The following NIN variants were observed in gnomAD, a reference collection of about 807,000 sequenced individuals.
The protein encoded by NIN is glycogen synthase kinase 3 beta-interacting protein.
Under a neutral mutation model 257.6 loss-of-function variants are expected in NIN, and 137 were observed. That is an observed-to-expected ratio of 0.53 (90% CI 0.46 to 0.61). The LOEUF (loss-of-function observed/expected upper bound fraction) is 0.61. Ranked by LOEUF, NIN falls within the 20% of genes least tolerant of loss-of-function variation. The probability of loss-of-function intolerance (pLI) is 0.00; values close to 1 mark genes in which losing one functional copy is unlikely to be tolerated. For synonymous variants in NIN, 918 were observed against 919.8 expected (o/e 1.00, Z 0.04); for missense variants, 2,439 against 2,501.2 (o/e 0.98, Z 0.53).
chr14:50,759,695 A>G (rs1301782999), intron 17 of NIN, among the ~76,000 whole-genome samples, 162 bp downstream of exon 17: 1 of 152,068 alleles, frequency 6.6e-6, no homozygotes, highest in Non-Finnish European at 1.5e-5. Flanking sequence ...GGGTTTCACC[A>G]TGTTAGCCAG....
chr14:50,761,817 A>G lies in NIN; in HGVS notation c.1869T>C (p.Cys623=). The G allele has an allele frequency of 3.1e-6, 5 of 1,614,190 alleles. No individual in the cohort carries two copies. Among genetic ancestry groups the G allele is most frequent in the Non-Finnish European group, 4.2e-6 (5 of 1,180,014 alleles). The stretch of plus-strand genomic sequence containing the variant: ...TATCTTCGAGCTCCAGTCTGAGGCA[A>G]CATATGTCCCTGTGATGTTGTTCTT... ...QMKEQHHRDI[C]CLRLELEDKV... Residue 623 remains cysteine, a synonymous_variant, in exon 16 of 31, where the codon TGT becomes TGC. Transcript: ENST00000530997.
At chr14:50,772,869 C>A (rs1414890793) in intron 8 of NIN, 80 bp downstream of exon 8, 12 of 1,222,534 alleles carry the variant, frequency 9.8e-6, no homozygotes, top group Non-Finnish European at 1.4e-5. Context: ...TTGCTTCAGA[C>A]AACAGATTAA....
rs564490007 is a variant in NIN at position 50,822,064 on chromosome 14, C to T, written c.-8G>A. ...CTGCTCCACCTCATCCATCCCATAG[C>T]CCACAGTGCTCACCTGTGTGTAAGA... On this transcript the variant is annotated 5_prime_UTR_variant, in exon 3 of 31. Transcript: ENST00000530997. 2 of 1,610,612 alleles carry T rather than the reference C, an allele frequency of 1.2e-6. No individual in the cohort carries two copies. Among genetic ancestry groups the T allele is most frequent in the African/African-American group, 1.3e-5 (1 of 75,020 alleles).
In NIN at chr14:50,821,924, C is replaced by T. The variant is rs774290897; in HGVS notation, c.133G>A (p.Val45Met). 5.6e-6 allele frequency: 9 copies of T among 1,614,064 alleles called. No individual in the cohort carries two copies. The highest frequency in any genetic ancestry group is 1.7e-5 in the Admixed American group (1 of 59,994). ...DLCHMLSLEE[V>M]APVLQQTLLQ... Reference sequence around the variant, plus strand: ...AATGTCTGCTGCAGCACTGGGGCCACCTCCTCCAAGCTCAACATGTGGCAA... The same window carrying T: ...AATGTCTGCTGCAGCACTGGGGCCATCTCCTCCAAGCTCAACATGTGGCAA... The change falls in exon 3 of 31, where the codon GTG becomes ATG. Residue 45 changes from valine to methionine, a missense_variant. Val to Met is a conservative substitution (Grantham distance 21). Coordinates refer to ENST00000530997, the MANE Select transcript of NIN (RefSeq NM_020921.4).
chr14:50,752,570 C>A lies in NIN; in HGVS notation c.4898G>T (p.Arg1633Leu). The A allele has an allele frequency of 6.2e-7, 1 of 1,614,042 alleles. No individual in the cohort carries two copies. The highest frequency in any genetic ancestry group is 8.5e-7 in the Non-Finnish European group (1 of 1,179,978). Reference sequence around the variant, plus strand: ...TTTCAGATTAAACTTCTCTTGTTCCCGTTCCTCCAATGCACTGTTTCCTGG... The same window carrying A: ...TTTCAGATTAAACTTCTCTTGTTCCAGTTCCTCCAATGCACTGTTTCCTGG... Reference protein sequence around the residue: ...KEPGNSALEEREQEKFNLKEE... With the variant: ...KEPGNSALEELEQEKFNLKEE... The change falls in exon 21 of 31, where the codon CGG (arginine) becomes CTG (leucine). Residue 1633 changes from arginine (R) to leucine (L), a missense_variant. Around this residue, in one of 3 missense-constraint regions of NIN, gnomAD observed 2,043 missense variants for 2,050.2 expected, o/e 1.00. Transcript: ENST00000530997.
chr14:50,722,292 T>A lies in NIN; in HGVS notation c.*1171A>T, dbSNP rs2040287219. 1 of 221,324 alleles carries A rather than the reference T, an allele frequency of 4.5e-6. No individual in the cohort carries two copies. Among genetic ancestry groups the A allele is most frequent in the Non-Finnish European group, 9.0e-6 (1 of 110,676 alleles). 13.7% of individuals were successfully genotyped at this position (221,324 alleles called of 1,614,324 possible). A position where few individuals can be genotyped will look rare whatever the true frequency, so the allele number is the denominator to read the frequency against. On this transcript the variant is annotated 3_prime_UTR_variant, in exon 31 of 31. Transcript: ENST00000530997. The stretch of plus-strand genomic sequence containing the variant: ...GCCAATGATTATCACAGTAAGAAAT[T>A]CTTAGAATCAGATTTGAGGTATAGA...
chr14:50,813,376 T>C (rs976569596), intron 3 of NIN, among the ~76,000 whole-genome samples: 9 of 152,222 alleles, frequency 5.9e-5, no homozygotes, highest in African/African-American at 2.2e-4. Context: ...CTATACCTTG[T>C]ATGCCTCAAC....
At chr14:50,806,636 C>G in intron 4 of NIN, 101 bp downstream of exon 4, 3 of 604,622 alleles carry the variant, frequency 5.0e-6, no homozygotes, top group Non-Finnish European at 8.8e-6. Flanking sequence ...CTGTGAAAGG[C>G]AGATGTCCCC....
intron 21 of NIN, among the ~76,000 whole-genome samples, chr14:50,752,196 G>C (rs2041817992): frequency 6.7e-6 from 1 of 149,354 alleles, no homozygotes; most frequent in Non-Finnish European, 1.5e-5. Context: ...ATCCAATTAA[G>C]TTTATCCTTG....
intron 28 of NIN, among the ~76,000 whole-genome samples, chr14:50,733,630 C>CAGGA (rs375919698): frequency 3.3e-4 from 51 of 152,240 alleles, no homozygotes; most frequent in African/African-American, 9.4e-4. Context: ...CAGGAACAGG[C>CAGGA]AGGAGAAGAA....
intron 5 of NIN, among the ~76,000 whole-genome samples, chr14:50,789,587 A>T (rs1208222782): frequency 6.6e-6 from 1 of 152,154 alleles, no homozygotes; most frequent in East Asian, 1.9e-4. Context: ...ACAAAACAAA[A>T]CAAAACAAAC....
chr14:50,737,095 C>T lies in NIN; in HGVS notation c.5775+1045G>A, dbSNP rs180921731. Among the ~76,000 whole-genome samples, 31 of 152,270 alleles carry T rather than the reference C, an allele frequency of 2.0e-4. No individual in the cohort carries two copies. The East Asian group carries it at 4.6e-3, about 23-fold the overall frequency. On this transcript the variant is annotated intron_variant, in intron 27 of 30. Coordinates refer to ENST00000530997, the MANE Select transcript of NIN (RefSeq NM_020921.4). ...CCCACACTATACTAGGGTTAGTCTG[C>T]GTGACAAATACAGTGCAGCAGAAAT...
At position 50,758,058 on chromosome 14, in the gene NIN, T is replaced by A; in HGVS notation, c.2972A>T (p.Glu991Val). 6.2e-7 allele frequency: 1 copy of A among 1,614,264 alleles called. No homozygotes were observed. Among genetic ancestry groups the A allele is most frequent in the Non-Finnish European group, 8.5e-7 (1 of 1,180,050 alleles). The change falls in exon 18 of 31, where the codon GAG becomes GTG. Residue 991 changes from glutamate to valine, a missense_variant. By Grantham distance (121) the Glu-to-Val change is moderately radical (BLOSUM62 -2). Transcript: ENST00000530997. The stretch of plus-strand genomic sequence containing the variant: ...CTCACAGGTCGCTTTGTGAATGTTC[T>A]CCATGGCTAGAAGCTTGGACATCAT... ...QEMMSKLLAM[E>V]NIHKATCETA... is the part of the protein sequence containing the mutation.
rs1185444498 is a variant in NIN, at chr14:50,721,934, G to T, written c.*1529C>A. 1 of 226,382 alleles carries T rather than the reference G, an allele frequency of 4.4e-6. No homozygotes were observed. The highest frequency in any genetic ancestry group is 2.2e-5 in the African/African-American group (1 of 44,932). 14.0% of individuals were successfully genotyped at this position (226,382 alleles called of 1,614,324 possible). On this transcript the variant is annotated 3_prime_UTR_variant, in exon 31 of 31. Transcript: ENST00000530997. Reference sequence around the variant, plus strand: ...AGTTTCTGACATGATGACTTCTTGGGCAGTTTGCTTTCTCTTGTGTTCCTG... The same window carrying T: ...AGTTTCTGACATGATGACTTCTTGGTCAGTTTGCTTTCTCTTGTGTTCCTG...
chr14:50,815,016 G>A (rs961803067), intron 3 of NIN, among the ~76,000 whole-genome samples: 7 of 152,212 alleles, frequency 4.6e-5, no homozygotes, highest in African/African-American at 1.4e-4. Context: ...AAAAGCAATT[G>A]CAACTAAAGC....
rs1566770900 is a variant in NIN at position 50,725,859 on chromosome 14, A to G, written c.6192+94T>C. On this transcript the variant is annotated intron_variant, in intron 30 of 30. Coordinates refer to ENST00000530997, the MANE Select transcript of NIN (RefSeq NM_020921.4). Reference sequence around the variant, plus strand: ...ATAGAATTTGCCTTTATTAGACAACATAAGTTAACGAGTTAATGGCAATAA... The same window carrying G: ...ATAGAATTTGCCTTTATTAGACAACGTAAGTTAACGAGTTAATGGCAATAA... 4.4e-6 allele frequency: 7 copies of G among 1,605,584 alleles called. No homozygotes were observed. The Admixed American group carries it at 8.4e-5, about 19-fold the overall frequency.
chr14:50,727,509 C>CATAAATAAATA lies in NIN; in HGVS notation c.6079-1454_6079-1444dup, dbSNP rs199838034. ...TGATTCACAAGATCTGTCATTTCTACATAAATAAATAAGAGACATAATACT... is the reference window on the plus strand; with the variant it reads ...TGATTCACAAGATCTGTCATTTCTACATAAATAAATAATAAATAAATAAGAGACATAATACT... On this transcript the variant is annotated intron_variant, in intron 29 of 30. Transcript: ENST00000530997. The CATAAATAAATA allele has an allele frequency of 2.5e-6, 3 of 1,205,236 alleles. No homozygotes were observed. In the African/African-American group the frequency reaches 4.7e-5, roughly 19 times the overall value. The allele number at this position is 1,205,236 out of a possible 1,614,324, so 74.7% of individuals were successfully genotyped here.
At chr14:50,727,857 C>CA in intron 29 of NIN, 1 of 902,338 alleles carries the variant, frequency 1.1e-6, no homozygotes, top group Non-Finnish European at 1.7e-6. Context: ...TAAAAGCACA[C>CA]ACATTAACAC....
At chr14:50,768,293 T>C (rs1350340976) in intron 12 of NIN, among the ~76,000 whole-genome samples, 1 of 152,110 alleles carries the variant, frequency 6.6e-6, no homozygotes, top group Non-Finnish European at 1.5e-5. Flanking sequence ...TCCCCTAAAA[T>C]GCCAATTCTG....
Sources: gnomAD v4.1 joint callset for allele counts (sites outside exome capture counted in the v4.1 genomes callset) on GRCh38, gnomAD v4.1.1 for gene constraint, gnomAD v4.1.1 regional missense constraint, MANE v1.5 for transcripts, NCBI Gene and HGNC (gene_info 2026-07-23, HGNC 2026-07-21) for gene names.